KLHL17: variants seen among roughly 807,000 people sequenced by gnomAD.
The protein encoded by KLHL17 is kelch like family member 17.
A neutral mutation model predicts 64.6 loss-of-function variants in KLHL17; 71 were observed. That is an observed-to-expected ratio of 1.10 (90% CI 0.91 to 1.34). The LOEUF is 1.34. KLHL17 is among the 40% of genes most tolerant of loss of function. The pLI is 0.00. For missense variants in KLHL17, 1,140 were observed against 935.0 expected (o/e 1.22, Z -2.86); for synonymous variants, 612 against 405.4 (o/e 1.51, Z -6.12).
chr1:962,115 G>A lies in KLHL17; in HGVS notation c.711+68G>A, dbSNP rs778289416. On this transcript the variant is annotated intron_variant, in intron 4 of 11. Transcript: ENST00000338591. The stretch of plus-strand genomic sequence containing the variant: ...ACCCCAGTCTTTGTCTTTGACTCCC[G>A]ACCCCGTTTTGTTCCTGACACAGCC... The A allele has an allele frequency of 1.0e-5, 11 of 1,048,852 alleles. No homozygotes were observed. In the East Asian group the frequency reaches 3.5e-4, roughly 34 times the overall value. The allele number at this position is 1,048,852 out of a possible 1,614,324, so 65.0% of individuals were successfully genotyped here.
chr1:960,821 G>T (rs1246460307), intron 1 of KLHL17, 21 bp downstream of exon 1: 2 of 994,806 alleles, frequency 2.0e-6, no homozygotes, highest in East Asian at 2.1e-4. Context: ...GGGGGTCGGG[G>T]CGCGGGGGGC....
rs982320995 is a variant in KLHL17 at position 965,278 on chromosome 1, C to T, written c.*87C>T. The T allele has an allele frequency of 4.0e-6, 4 of 992,354 alleles. No individual in the cohort carries two copies. The highest frequency in any genetic ancestry group is 2.4e-5 in the Admixed American group (1 of 42,174). The allele number at this position is 992,354 out of a possible 1,614,324, so 61.5% of individuals were successfully genotyped here. On this transcript the variant is annotated 3_prime_UTR_variant, in exon 12 of 12. Coordinates refer to ENST00000338591, the MANE Select transcript of KLHL17 (RefSeq NM_198317.3). ...AGGGACGTCCTGCGCCATCCGTTCA[C>T]GTCTCTGCATCCATTCCTTCATGTC... is the stretch of plus-strand genomic sequence containing the variant.
chr1:962,535 G>A, intron 5 of KLHL17, 64 bp downstream of exon 5: 6 of 1,589,154 alleles, frequency 3.8e-6, no homozygotes, highest in Non-Finnish European at 5.1e-6. Context: ...CTGAGGGCCT[G>A]GTGCACCCTG....
Position 962,929 on chromosome 1 carries a change from C to G in KLHL17, c.1042+12C>G, listed in dbSNP as rs767006936. On this transcript the variant is annotated intron_variant, in intron 6 of 11. Coordinates refer to ENST00000338591, the MANE Select transcript of KLHL17 (RefSeq NM_198317.3). ...GCTTTTTGCTGTGGGTATGGCCCCC[C>G]GCCCGTTTCCCTCTTGCCCTGTGCC... The G allele has an allele frequency of 1.4e-5, 21 of 1,538,234 alleles. No individual in the cohort carries two copies. Among genetic ancestry groups the G allele is most frequent in the Admixed American group, 9.4e-5 (5 of 53,130 alleles).
intron 1 of KLHL17, 193 bp downstream of exon 1, chr1:960,993 C>A: frequency 3.5e-6 from 1 of 288,330 alleles, no homozygotes. Context: ...ACTCCCGCTG[C>A]GGTCCCGAGA....
At position 961,736 on chromosome 1, in the gene KLHL17, G is replaced by C. The variant is rs769098795; in HGVS notation, c.475G>C (p.Glu159Gln). 1 of 1,611,688 alleles carries C rather than the reference G, an allele frequency of 6.2e-7. No individual in the cohort carries two copies. The highest frequency in any genetic ancestry group is 1.3e-5 in the African/African-American group (1 of 74,892). Residue 159 changes from glutamate (E) to glutamine (Q), a missense_variant, in exon 3 of 12, where the codon GAG becomes CAG. Physicochemically the swap from Glu to Gln is conservative, Grantham distance 29. Coordinates refer to ENST00000338591, the MANE Select transcript of KLHL17 (RefSeq NM_198317.3). ...CTACACGGCTGAGATTGTGGTGGGCGAGGGCAATGTGCAGGTGAGGGCTCC... is the reference window on the plus strand; with the variant it reads ...CTACACGGCTGAGATTGTGGTGGGCCAGGGCAATGTGCAGGTGAGGGCTCC... ...FAYTAEIVVG[E>Q]GNVQTLLPAA...
Position 962,098 on chromosome 1 carries a change from C to T in KLHL17, c.711+51C>T, listed in dbSNP as rs1187404270. ...GCCCCCCACCCCACCCCACCCCAGT[C>T]TTTGTCTTTGACTCCCGACCCCGTT... On this transcript the variant is annotated intron_variant, in intron 4 of 11. Coordinates refer to ENST00000338591, the MANE Select transcript of KLHL17 (RefSeq NM_198317.3). 1.2e-5 allele frequency: 18 copies of T among 1,447,522 alleles called. No individual in the cohort carries two copies. In the East Asian group the frequency reaches 2.4e-4, roughly 20 times the overall value. 89.7% of individuals were successfully genotyped at this position (1,447,522 alleles called of 1,614,324 possible).
intron 9 of KLHL17, 36 bp from the exon 10 acceptor site, chr1:964,071 C>T (rs1642780143): frequency 6.2e-7 from 1 of 1,611,698 alleles, no homozygotes; most frequent in South Asian, 1.1e-5. Context: ...ACCCCACTCC[C>T]AGCAGGAGTG....
In KLHL17 at chr1:961,434, C is replaced by G; in HGVS notation, c.249C>G (p.Ser83Arg). 1 of 1,612,090 alleles carries G rather than the reference C, an allele frequency of 6.2e-7. No individual in the cohort carries two copies. The change falls in exon 2 of 12, where the codon AGC becomes AGG. Residue 83 changes from serine (S) to arginine (R), a missense_variant. Ser to Arg is a moderately radical substitution (Grantham distance 110, BLOSUM62 -1). Coordinates refer to ENST00000338591, the MANE Select transcript of KLHL17 (RefSeq NM_198317.3). ...RHYHDAFVAM[S>R]RMRQRGLLCD... ...ACCACGATGCCTTCGTGGCCATGAG[C>G]CGCATGCGCCAGCGCGGCCTCCTGT... is the stretch of plus-strand genomic sequence containing the variant.
rs1323885018 is a variant in KLHL17, at chr1:962,836, C to T, written c.961C>T (p.Pro321Ser). ...LIEALKFHLLPEQRGVLGTSR... is the reference protein window; with the variant it reads ...LIEALKFHLLSEQRGVLGTSR... ...CGAGGCCCTGAAGTTCCACCTGCTG[C>T]CTGAGCAGAGGGGCGTCCTAGGCAC... Residue 321 changes from proline (P) to serine (S), a missense_variant, in exon 6 of 12, where the codon CCT becomes TCT. By Grantham distance (74) the Pro-to-Ser change is moderately conservative. Transcript: ENST00000338591. 2 of 1,604,510 alleles carry T rather than the reference C, an allele frequency of 1.2e-6. No individual in the cohort carries two copies. The highest frequency in any genetic ancestry group is 2.2e-5 in the South Asian group (2 of 90,592).
chr1:963,918 A>G lies in KLHL17; in HGVS notation c.1356-2A>G, dbSNP rs751675712. The G allele has an allele frequency of 5.0e-6, 8 of 1,612,052 alleles. No individual in the cohort carries two copies. The Admixed American group carries it at 1.2e-4, about 24-fold the overall frequency. On this transcript the variant is annotated splice_acceptor_variant, in intron 8 of 11. Transcript: ENST00000338591. LOFTEE classifies it high-confidence loss of function. ...CTGTGGCTGCGGTCCTGGTGCCCAC[A>G]GTGCTGAACGCTACGACCCCCTGAC...
rs754744743 is a variant in KLHL17, at chr1:961,631, G to A, written c.370G>A (p.Glu124Lys). 1.2e-5 allele frequency: 20 copies of A among 1,612,654 alleles called. No individual in the cohort carries two copies. The South Asian group carries it at 1.9e-4, about 15-fold the overall frequency. The change falls in exon 3 of 12, where the codon GAG becomes AAG. Residue 124 changes from glutamate (E) to lysine (K), a missense_variant and splice_region_variant. Physicochemically the swap from Glu to Lys is moderately conservative, Grantham distance 56. Transcript: ENST00000338591. Reference sequence around the variant, plus strand: ...CGTGTAACCCGCTGTCCCCGCAGATGAGATGAGCGAGAGCCGCCAGACCCA... The same window carrying A: ...CGTGTAACCCGCTGTCCCCGCAGATAAGATGAGCGAGAGCCGCCAGACCCA... ...SPYFHAMFTN[E>K]MSESRQTHVT...
In KLHL17 at chr1:965,368, C is replaced by T. The variant is rs1417139031; in HGVS notation, c.*177C>T. 5 of 630,498 alleles carry T rather than the reference C, an allele frequency of 7.9e-6. No individual in the cohort carries two copies. Among genetic ancestry groups the T allele is most frequent in the Admixed American group, 3.0e-5 (1 of 33,502 alleles). The allele number at this position is 630,498 out of a possible 1,614,324, so 39.1% of individuals were successfully genotyped here. ...TATTGAGGGGTGAGGAGTGCCACGG[C>T]TGCCCGTTTACACCTTTAGCGTCTG... On this transcript the variant is annotated 3_prime_UTR_variant, in exon 12 of 12. Transcript: ENST00000338591.
chr1:964,292 C>G, intron 10 of KLHL17, 57 bp from the exon 11 acceptor site: 1 of 1,579,910 alleles, frequency 6.3e-7, no homozygotes, highest in African/African-American at 1.3e-5. Flanking sequence ...GTCGGGGCTG[C>G]GGCAGAGGAG....
chr1:962,886 C>T lies in KLHL17; in HGVS notation c.1011C>T (p.Cys337=), dbSNP rs750852078. 1.0e-5 allele frequency: 16 copies of T among 1,570,528 alleles called. No homozygotes were observed. Among genetic ancestry groups the T allele is most frequent in the African/African-American group, 4.0e-5 (3 of 74,142 alleles). Reference sequence around the variant, plus strand: ...CCAGCCGCACACGTCCCCGGCGCTGCGAGGGGGCCGGGCCTGTGCTTTTTG... The same window carrying T: ...CCAGCCGCACACGTCCCCGGCGCTGTGAGGGGGCCGGGCCTGTGCTTTTTG... ...LGTSRTRPRR[C]EGAGPVLFAV... Residue 337 remains cysteine (C), a synonymous_variant, in exon 6 of 12, where the codon TGC becomes TGT. Coordinates refer to ENST00000338591, the MANE Select transcript of KLHL17 (RefSeq NM_198317.3).
Position 962,059 on chromosome 1 carries a change from C to T in KLHL17, c.711+12C>T, listed in dbSNP as rs755087830. 1.7e-5 allele frequency: 28 copies of T among 1,610,078 alleles called. No homozygotes were observed. The highest frequency in any genetic ancestry group is 1.7e-4 in the Middle Eastern group (1 of 6,056). On this transcript the variant is annotated intron_variant, in intron 4 of 11. Transcript: ENST00000338591. ...TGCCCCTGAAACAGGTAACAGCTGGCGGGCCCAGCCCTCGCCCCCCACCCC... is the reference window on the plus strand; with the variant it reads ...TGCCCCTGAAACAGGTAACAGCTGGTGGGCCCAGCCCTCGCCCCCCACCCC...
rs1322669423 is a variant in KLHL17, at chr1:963,968, C to T, written c.1404C>T (p.Ala468=). ...PLTGTWTSVA[A]MSTRRRYVRV... ...CCGGAACGTGGACGTCCGTCGCTGC[C>T]ATGAGCACCCGGAGGCGCTATGTGC... The change falls in exon 9 of 12, where the codon GCC becomes GCT. Residue 468 remains alanine, a synonymous_variant. Coordinates refer to ENST00000338591, the MANE Select transcript of KLHL17 (RefSeq NM_198317.3). 1 of 1,612,614 alleles carries T rather than the reference C, an allele frequency of 6.2e-7. No homozygotes were observed. Among genetic ancestry groups the T allele is most frequent in the Non-Finnish European group, 8.5e-7 (1 of 1,179,938 alleles).
intron 4 of KLHL17, 69 bp from the exon 5 acceptor site, chr1:962,286 G>A (rs942611354): frequency 6.2e-7 from 1 of 1,607,284 alleles, no homozygotes. Context: ...TCCCTCCTAG[G>A]CATCTTCAGG....
intron 8 of KLHL17, 117 bp from the exon 9 acceptor site, chr1:963,803 G>T (rs774505588): frequency 8.3e-7 from 1 of 1,198,328 alleles, no homozygotes; most frequent in Non-Finnish European, 1.2e-6. Context: ...AGGACTTTGC[G>T]GTCTGAGTTT....
Sources: gnomAD v4.1 joint callset for allele counts on GRCh38, gnomAD v4.1.1 for gene constraint, MANE v1.5 for transcripts, NCBI Gene and HGNC (gene_info 2026-07-23, HGNC 2026-07-21) for gene names.